Variants in KCNH2 observed in about 807,000 individuals in gnomAD.
KCNH2 encodes the protein potassium voltage-gated channel subfamily H member 2.
A neutral mutation model predicts 95.9 loss-of-function variants in KCNH2; 35 were observed. The observed-to-expected ratio is 0.37, with a 90% CI of 0.28 to 0.48. The LOEUF (loss-of-function observed/expected upper bound fraction) is 0.48. KCNH2 is among the 20% of genes least tolerant of loss of function. The pLI is 0.99. For synonymous variants in KCNH2, 786 were observed against 754.7 expected, an observed-to-expected ratio of 1.04 and a Z score of -0.68; for missense variants, 1,274 against 1,702.9, an observed-to-expected ratio of 0.75 and a Z score of 4.43.
rs911982403 is a variant in KCNH2 at position 150,948,381 on chromosome 7, G to A, written c.2692+63C>T. 18 of 1,349,124 alleles carry A rather than the reference G, an allele frequency of 1.3e-5. No homozygotes were observed. In the African/African-American group the frequency reaches 1.6e-4, roughly 12 times the overall value. The allele number at this position is 1,349,124 out of a possible 1,614,324, so 83.6% of individuals were successfully genotyped here. On this transcript the variant is annotated intron_variant, in intron 11 of 14. Coordinates refer to ENST00000262186, the MANE Select transcript of KCNH2 (RefSeq NM_000238.4). ...GGGTAAAGCAGACACGGCCCACCCC[G>A]CCTTCCAGCTCCCAGCCTCACCTTG... is the stretch of plus-strand genomic sequence containing the variant.
intron 9 of KCNH2, among the ~76,000 whole-genome samples, 170 bp from the exon 10 acceptor site, chr7:150,949,219 CCCTCAGCTCCCAGCAGGCACGACAGTG>C (rs1227171309): frequency 4.6e-5 from 7 of 152,280 alleles, no homozygotes; most frequent in African/African-American, 1.7e-4. Flanking sequence ...AGCCCACCCT[CCCTCAGCTCCCAGCAGGCACGACAGTG>C]CCAGAGGGGC....
chr7:150,970,428 G>A (rs892194430), intron 2 of KCNH2, among the ~76,000 whole-genome samples: 5 of 152,184 alleles, frequency 3.3e-5, no homozygotes, highest in Non-Finnish European at 5.9e-5. Flanking sequence ...CCGCTCTCCC[G>A]ACGCTCTCCA....
intron 7 of KCNH2, 77 bp downstream of exon 7, chr7:150,951,361 TCTGGCCCGGC>T: frequency 6.4e-7 from 1 of 1,556,544 alleles, no homozygotes. Flanking sequence ...AGGGCCTCAC[TCTGGCCCGGC>T]TAGCAGCCTC....
At chr7:150,966,355 T>C (rs1326908119) in intron 2 of KCNH2, among the ~76,000 whole-genome samples, 1 of 143,382 alleles carries the variant, frequency 7.0e-6, no homozygotes, top group Non-Finnish European at 1.5e-5. Flanking sequence ...AAACCAAGAG[T>C]TATAATTCCT....
At position 150,967,171 on chromosome 7, in the gene KCNH2, C is replaced by T. The variant is rs533350785; in HGVS notation, c.308-7435G>A. Among the ~76,000 whole-genome samples the T allele has an allele frequency of 5.9e-5, 9 of 152,162 alleles. No individual in the cohort carries two copies. The South Asian group carries it at 6.2e-4, about 11-fold the overall frequency. On this transcript the variant is annotated intron_variant, in intron 2 of 14. Coordinates refer to ENST00000262186, the MANE Select transcript of KCNH2 (RefSeq NM_000238.4). Reference sequence around the variant, plus strand: ...GTGCACACCTGTAATCCCAGCTACTCGGGAGGCTGAGACAGGAGAATCGCT... The same window carrying T: ...GTGCACACCTGTAATCCCAGCTACTTGGGAGGCTGAGACAGGAGAATCGCT...
chr7:150,972,229 G>A (rs1018416928), intron 2 of KCNH2, among the ~76,000 whole-genome samples: 2 of 152,240 alleles, frequency 1.3e-5, no homozygotes, highest in East Asian at 1.9e-4. Context: ...TGTCCACGGC[G>A]GCGCCTGCCA....
intron 2 of KCNH2, among the ~76,000 whole-genome samples, chr7:150,973,028 A>G (rs1314261088): frequency 2.0e-5 from 3 of 152,216 alleles, no homozygotes; most frequent in African/African-American, 7.2e-5. Context: ...GGCACTCTCT[A>G]TGAAAGCTCA....
chr7:150,951,181 C>T, intron 7 of KCNH2, 61 bp from the exon 8 acceptor site: 2 of 1,419,828 alleles, frequency 1.4e-6, no homozygotes, highest in Non-Finnish European at 1.9e-6. Flanking sequence ...CCCACAGGGA[C>T]CCTGCTCAGG....
At position 150,959,560 on chromosome 7, in the gene KCNH2, A is replaced by C; in HGVS notation, c.472+12T>G. 6.2e-7 allele frequency: 1 copy of C among 1,613,986 alleles called. No homozygotes were observed. The highest frequency in any genetic ancestry group is 2.2e-5 in the East Asian group (1 of 44,876). ...CGAACCCCTGAGCCTGCCCTAAAGC[A>C]AGTACACTTACCTGGGGCCAGCCAG... On this transcript the variant is annotated intron_variant, in intron 3 of 14. Transcript: ENST00000262186.
chr7:150,958,405 G>A lies in KCNH2; in HGVS notation c.570C>T (p.Ala190=). Residue 190 remains alanine (A), a synonymous_variant, in exon 4 of 15, where the codon GCC becomes GCT. Transcript: ENST00000262186. ...CCACGTCCACCACCACGGCCCCCGGGGCGCCCGCGCCGCCCGCGCCGCCCG... is the reference window on the plus strand; with the variant it reads ...CCACGTCCACCACCACGGCCCCCGGAGCGCCCGCGCCGCCCGCGCCGCCCG... ...VRSGGAGGAG[A]PGAVVVDVDL... 1 of 1,450,346 alleles carries A rather than the reference G, an allele frequency of 6.9e-7. No homozygotes were observed. 89.8% of individuals were successfully genotyped at this position (1,450,346 alleles called of 1,614,324 possible).
rs150987673 is a variant in KCNH2, at chr7:150,970,403, C to T, written c.307+4308G>A. On this transcript the variant is annotated intron_variant, in intron 2 of 14. Coordinates refer to ENST00000262186, the MANE Select transcript of KCNH2 (RefSeq NM_000238.4). ...GCTCCTCTCCGGGGGCTGCAGAAGA[C>T]GCAACACGGAGAAGCCGCTCTCCCG... Among the ~76,000 whole-genome samples the T allele has an allele frequency of 1.2e-3, 186 of 152,240 alleles. 1 individual carries two copies. Among genetic ancestry groups the T allele is most frequent in the African/African-American group, 4.1e-3 (171 of 41,548 alleles).
intron 1 of KCNH2, 109 bp from the exon 2 acceptor site, chr7:150,975,050 C>G (rs1801946709): frequency 1.1e-6 from 1 of 945,586 alleles, no homozygotes; most frequent in South Asian, 1.6e-5. Context: ...CTCCCCGCCA[C>G]AGGAAGCATG....
chr7:150,957,452 C>T lies in KCNH2; in HGVS notation c.967G>A (p.Asp323Asn), dbSNP rs199472887. The T allele has an allele frequency of 7.4e-6, 12 of 1,614,004 alleles. No individual in the cohort carries two copies. The highest frequency in any genetic ancestry group is 6.7e-5 in the East Asian group (3 of 44,898). ...SGLLNSTSDS[D>N]LVRYRTISKI... ...CTAATGGTGCGGTAGCGCACGAGGT[C>T]GGAGTCCGAGGTGGAGTTGAGCAAG... Residue 323 changes from aspartate to asparagine, a missense_variant, in exon 5 of 15, where the codon GAC becomes AAC. Physicochemically the swap from Asp to Asn is conservative, Grantham distance 23. Coordinates refer to ENST00000262186, the MANE Select transcript of KCNH2 (RefSeq NM_000238.4).
intron 5 of KCNH2, among the ~76,000 whole-genome samples, 176 bp downstream of exon 5, chr7:150,957,115 C>T (rs1801399616): frequency 6.6e-6 from 1 of 152,168 alleles, no homozygotes; most frequent in African/African-American, 2.4e-5. Flanking sequence ...CAGACTGTCC[C>T]CTCTCCCCCC....
Position 150,958,133 on chromosome 7 carries a change from C to A in KCNH2, c.842G>T (p.Arg281Leu). ...RSRESCASVRRASSADDIEAM... is the reference protein window; with the variant it reads ...RSRESCASVRLASSADDIEAM... ...CTCGATGTCGTCGGCCGACGAGGCG[C>A]GGCGCACGCTGGCGCAGCTTTCTCG... is the stretch of plus-strand genomic sequence containing the variant. The change falls in exon 4 of 15, where the codon CGC becomes CTC. Residue 281 changes from arginine to leucine, a missense_variant. Coordinates refer to ENST00000262186, the MANE Select transcript of KCNH2 (RefSeq NM_000238.4). The A allele has an allele frequency of 7.7e-7, 1 of 1,304,316 alleles. No individual in the cohort carries two copies. The highest frequency in any genetic ancestry group is 2.3e-5 in the South Asian group (1 of 42,886). The allele number at this position is 1,304,316 out of a possible 1,614,324, so 80.8% of individuals were successfully genotyped here. A position where few individuals can be genotyped will look rare whatever the true frequency, so the allele number is the denominator to read the frequency against.
Position 150,952,788 on chromosome 7 carries a change from C to T in KCNH2, c.1194G>A (p.Trp398Ter), listed in dbSNP as rs1563161240. The change falls in exon 6 of 15, where the codon TGG (tryptophan) becomes TGA (stop). Residue 398 changes from tryptophan (W) to a stop codon, truncating the protein, a stop_gained. Coordinates refer to ENST00000262186, the MANE Select transcript of KCNH2 (RefSeq NM_000238.4). LOFTEE classifies it high-confidence loss of function. The surrounding 1 kb of genome is among the most constrained non-coding windows in gnomAD (Gnocchi z 7.3). ...TGAAGGGGCTGTAATGCAGGATGGT[C>T]CAGCGGTGGATGCGCGGTGCCTGCA... ...YKLQAPRIHR[W>*]TILHYSPFKA... 6.2e-7 allele frequency: 1 copy of T among 1,614,076 alleles called. No homozygotes were observed. The highest frequency in any genetic ancestry group is 2.2e-5 in the East Asian group (1 of 44,874).
chr7:150,951,059 G>A lies in KCNH2; in HGVS notation c.2007C>T (p.Gly669=), dbSNP rs2116955745. 3 of 1,614,002 alleles carry A rather than the reference G, an allele frequency of 1.9e-6. No individual in the cohort carries two copies. The highest frequency in any genetic ancestry group is 2.5e-6 in the Non-Finnish European group (3 of 1,179,944). Residue 669 remains glycine, a synonymous_variant, in exon 8 of 15, where the codon GGC becomes GGT. Coordinates refer to ENST00000262186, the MANE Select transcript of KCNH2 (RefSeq NM_000238.4). ...GCATCTGTGTGTGGTAGCGGGCTGT[G>A]CCCGAGTACAGCCGCTGGATGATGG... The part of the protein sequence containing the change: ...VSAIIQRLYS[G]TARYHTQMLR...
chr7:150,957,280 T>A lies in KCNH2; in HGVS notation c.1128+11A>T. 1 of 1,557,178 alleles carries A rather than the reference T, an allele frequency of 6.4e-7. No homozygotes were observed. The highest frequency in any genetic ancestry group is 8.7e-7 in the Non-Finnish European group (1 of 1,149,516). ...CAAGGTGAGAGGAGAGCCCGGCCGC[T>A]GGGCGCCTACCTGGGTGACCTTCTC... is the stretch of plus-strand genomic sequence containing the variant. On this transcript the variant is annotated intron_variant, in intron 5 of 14. Transcript: ENST00000262186.
In KCNH2 at chr7:150,959,732, G is replaced by C. The variant is rs1554428245; in HGVS notation, c.312C>G (p.Ser104Arg). The C allele has an allele frequency of 6.2e-7, 1 of 1,614,178 alleles. No individual in the cohort carries two copies. The highest frequency in any genetic ancestry group is 8.5e-7 in the Non-Finnish European group (1 of 1,180,020). Residue 104 changes from serine to arginine, a missense_variant, in exon 3 of 15, where the codon AGC (serine) becomes AGG (arginine). Around this residue, in one of 7 missense-constraint regions of KCNH2, gnomAD observed 85 missense variants for 174.7 expected, o/e 0.49. Coordinates refer to ENST00000262186, the MANE Select transcript of KCNH2 (RefSeq NM_000238.4). Reference protein sequence around the residue: ...VEIAFYRKDGSCFLCLVDVVP... With the variant: ...VEIAFYRKDGRCFLCLVDVVP... ...CCACATCCACCAGACATAGGAAGCA[G>C]CTCCCTGCAGAGTGGGAGGACATAG...
Sources: gnomAD v4.1 joint callset for allele counts (sites outside exome capture counted in the v4.1 genomes callset) on GRCh38, gnomAD v4.1.1 for gene constraint, gnomAD v4.1.1 regional missense constraint, Gnocchi (gnomAD v3.1) non-coding constraint, MANE v1.5 for transcripts, NCBI Gene and HGNC (gene_info 2026-07-23, HGNC 2026-07-21) for gene names.